CPPED1: variants seen among roughly 807,000 people sequenced by gnomAD.
The protein encoded by CPPED1 is serine/threonine-protein phosphatase CPPED1.
In CPPED1, 28 loss-of-function variants were observed where a neutral mutation model predicts 28.0. The ratio of observed to expected loss-of-function variants is 1.00; its 90% CI spans 0.74 to 1.37. The LOEUF (loss-of-function observed/expected upper bound fraction) is 1.37, where lower values mean the gene tolerates loss of function less well. Among genes scored for constraint, CPPED1 ranks in the 40% most tolerant of loss-of-function variants. The pLI, the probability that CPPED1 is intolerant of heterozygous loss-of-function variation, is 0.00. For missense variants in CPPED1, 504 were observed against 416.5 expected (o/e 1.21, Z -1.83); for synonymous variants, 198 against 180.2 (o/e 1.10, Z -0.79).
intron 2 of CPPED1, among the ~76,000 whole-genome samples, chr16:12,778,673 G>T (rs1371841144): frequency 6.6e-6 from 1 of 152,212 alleles, no homozygotes. Flanking sequence ...GTGCTAAGTA[G>T]TCAAAGCAAA....
At chr16:12,794,462 C>G (rs1052985388) in intron 1 of CPPED1, among the ~76,000 whole-genome samples, 1 of 102,744 alleles carries the variant, frequency 9.7e-6, no homozygotes, top group Non-Finnish European at 1.8e-5. Flanking sequence ...TCCCTCCCCC[C>G]ACCCCCAAAA....
At chr16:12,790,081 G>A (rs1296965511) in intron 1 of CPPED1, among the ~76,000 whole-genome samples, 3 of 152,150 alleles carry the variant, frequency 2.0e-5, no homozygotes, top group Non-Finnish European at 2.9e-5. Context: ...ACATTATCAG[G>A]TGCAAAGCAA....
chr16:12,713,132 C>T (rs150205151), intron 2 of CPPED1, among the ~76,000 whole-genome samples: 128 of 151,810 alleles, frequency 8.4e-4, no homozygotes, highest in Middle Eastern at 3.4e-3. Flanking sequence ...TGGGTAAATT[C>T]AATTTAAAAA....
rs148389388 is a variant in CPPED1 at position 12,750,024 on chromosome 16, C to T, written c.289+31161G>A. Among the ~76,000 whole-genome samples, 7 of 152,320 alleles carry T rather than the reference C, an allele frequency of 4.6e-5. No homozygotes were observed. In the East Asian group the frequency reaches 1.4e-3, roughly 29 times the overall value. Reference sequence around the variant, plus strand: ...CTTTATGAAACGTATTTCTTAAATACATTAAACGTTTCTGTTGTGGAGATG... The same window carrying T: ...CTTTATGAAACGTATTTCTTAAATATATTAAACGTTTCTGTTGTGGAGATG... On this transcript the variant is annotated intron_variant, in intron 2 of 3. Coordinates refer to ENST00000381774, the MANE Select transcript of CPPED1 (RefSeq NM_018340.3).
At position 12,661,296 on chromosome 16, in the gene CPPED1, G is replaced by A. The variant is rs1191111452; in HGVS notation, c.*3590C>T. On this transcript the variant is annotated 3_prime_UTR_variant, in exon 4 of 4. Coordinates refer to ENST00000381774, the MANE Select transcript of CPPED1 (RefSeq NM_018340.3). ...CCTAGTCTAATTCAGATTTAAACTA[G>A]TGCTTGCCTTGTAACTCTGCAAGTG... 1.3e-5 allele frequency: 2 copies of A among 152,138 alleles called. No individual in the cohort carries two copies. Among genetic ancestry groups the A allele is most frequent in the Admixed American group, 6.5e-5 (1 of 15,278 alleles). 9.4% of individuals were successfully genotyped at this position (152,138 alleles called of 1,614,324 possible).
intron 3 of CPPED1, among the ~76,000 whole-genome samples, chr16:12,669,521 G>A (rs1056801738): frequency 2.6e-5 from 4 of 152,180 alleles, no homozygotes; most frequent in African/African-American, 4.8e-5. Context: ...TTTACAGGAA[G>A]AGGAGGAAGC....
At chr16:12,718,352 A>G (rs1008561613) in intron 2 of CPPED1, among the ~76,000 whole-genome samples, 23 of 152,128 alleles carry the variant, frequency 1.5e-4, no homozygotes, top group Non-Finnish European at 2.8e-4. Flanking sequence ...CAGCTTGGCC[A>G]ACATGGTGAA....
intron 3 of CPPED1, among the ~76,000 whole-genome samples, chr16:12,693,456 A>G (rs1001036605): frequency 1.3e-5 from 2 of 152,052 alleles, no homozygotes. Flanking sequence ...TCGGCTTCCT[A>G]AAGTGCTGGA....
rs1030372673 is a variant in CPPED1, at chr16:12,660,032, G to C, written c.*4854C>G. 1 of 152,242 alleles carries C rather than the reference G, an allele frequency of 6.6e-6. No individual in the cohort carries two copies. The highest frequency in any genetic ancestry group is 1.5e-5 in the Non-Finnish European group (1 of 68,076). The allele number at this position is 152,242 out of a possible 1,614,324, so 9.4% of individuals were successfully genotyped here. The stretch of plus-strand genomic sequence containing the variant: ...GATCCAATTACCTCCCACCAGGTCC[G>C]TCCCTTGACACATGGGGATTATGGG... On this transcript the variant is annotated 3_prime_UTR_variant, in exon 4 of 4. Coordinates refer to ENST00000381774, the MANE Select transcript of CPPED1 (RefSeq NM_018340.3).
intron 3 of CPPED1, among the ~76,000 whole-genome samples, chr16:12,693,653 T>C (rs1053528526): frequency 3.9e-5 from 6 of 152,222 alleles, no homozygotes; most frequent in Non-Finnish European, 8.8e-5. Flanking sequence ...AAATGTCTTT[T>C]AAGTGAAGGC....
chr16:12,705,041 A>G lies in CPPED1; in HGVS notation c.298T>C (p.Trp100Arg). 1 of 1,607,014 alleles carries G rather than the reference A, an allele frequency of 6.2e-7. No individual in the cohort carries two copies. The highest frequency in any genetic ancestry group is 2.2e-5 in the East Asian group (1 of 44,712). The stretch of plus-strand genomic sequence containing the variant: ...AGGTCCTCCGTCTGCTCCGTCCGCC[A>G]CGGCTTCCCTGGAAGAGTGAGGGTC... ...DLIHAMPGKP[W>R]RTEQTEDLKR... is the part of the protein sequence containing the mutation. The change falls in exon 3 of 4, where the codon TGG becomes CGG. Residue 100 changes from tryptophan (W) to arginine (R), a missense_variant. Physicochemically the swap from Trp to Arg is moderately radical, Grantham distance 101. Coordinates refer to ENST00000381774, the MANE Select transcript of CPPED1 (RefSeq NM_018340.3).
At chr16:12,697,587 C>T (rs1284048318) in intron 3 of CPPED1, among the ~76,000 whole-genome samples, 1 of 152,182 alleles carries the variant, frequency 6.6e-6, no homozygotes, top group Non-Finnish European at 1.5e-5. Flanking sequence ...GTAATGGGAA[C>T]ATTTCTCTAA....
chr16:12,675,116 C>T (rs1475143023), intron 3 of CPPED1, among the ~76,000 whole-genome samples: 1 of 152,166 alleles, frequency 6.6e-6, no homozygotes, highest in Non-Finnish European at 1.5e-5. Flanking sequence ...GATAGGGAAG[C>T]ACTGATTCAC....
chr16:12,698,380 C>T (rs1216707584), intron 3 of CPPED1, among the ~76,000 whole-genome samples: 3 of 152,096 alleles, frequency 2.0e-5, no homozygotes, highest in Non-Finnish European at 2.9e-5. Context: ...GTTTTATCTT[C>T]CTATAAAGTA....
In CPPED1 at chr16:12,682,432, G is replaced by C. The variant is rs1343855811; in HGVS notation, c.716-17317C>G. 6.6e-6 allele frequency among the ~76,000 whole-genome samples: 1 copy of C among 152,184 alleles called. No individual in the cohort carries two copies. Among genetic ancestry groups the C allele is most frequent in the Non-Finnish European group, 1.5e-5 (1 of 68,040 alleles). Reference sequence around the variant, plus strand: ...TTCAAAACCTGTAGAATATGCAAGAGGAGGGCTGTATTTTTTTAATACTAA... The same window carrying C: ...TTCAAAACCTGTAGAATATGCAAGACGAGGGCTGTATTTTTTTAATACTAA... On this transcript the variant is annotated intron_variant, in intron 3 of 3. Transcript: ENST00000381774. This position sits in a 1 kb window ranked among gnomAD's most constrained non-coding sequence, Gnocchi z 6.1.
intron 2 of CPPED1, among the ~76,000 whole-genome samples, chr16:12,771,855 G>A (rs1488656705): frequency 6.6e-6 from 1 of 152,172 alleles, no homozygotes; most frequent in East Asian, 1.9e-4. Context: ...AGGCATGGTG[G>A]CTCATGTATG....
intron 2 of CPPED1, among the ~76,000 whole-genome samples, chr16:12,736,339 A>G (rs921346129): frequency 2.0e-5 from 3 of 150,164 alleles, no homozygotes; most frequent in Non-Finnish European, 4.4e-5. Context: ...TCCACCTCCC[A>G]GGTTCGAGTG....
At chr16:12,768,866 T>G (rs1427193505) in intron 2 of CPPED1, among the ~76,000 whole-genome samples, 1 of 142,810 alleles carries the variant, frequency 7.0e-6, no homozygotes, top group Non-Finnish European at 1.6e-5. Flanking sequence ...TTTTTCTTTT[T>G]CTTTTTTTTT....
At chr16:12,692,091 T>C (rs562557809) in intron 3 of CPPED1, among the ~76,000 whole-genome samples, 2 of 152,222 alleles carry the variant, frequency 1.3e-5, no homozygotes, top group South Asian at 4.2e-4. Flanking sequence ...TGACCTCAAG[T>C]GATCTGCCTG....
Sources: allele counts gnomAD v4.1 joint callset (sites outside exome capture counted in the v4.1 genomes callset), GRCh38; gene constraint gnomAD v4.1.1; non-coding constraint Gnocchi (gnomAD v3.1); transcripts MANE v1.5; gene names NCBI Gene and HGNC (gene_info 2026-07-23, HGNC 2026-07-21).